The following TMEM74 variants were observed in gnomAD, a reference collection of about 807,000 sequenced individuals.
TMEM74 encodes the protein transmembrane protein 74.
TMEM74 carries 13 observed loss-of-function variants against 18.1 expected under a neutral mutation model. The ratio of observed to expected loss-of-function variants is 0.72; its 90% CI spans 0.47 to 1.14. The LOEUF (loss-of-function observed/expected upper bound fraction) is 1.14, where lower values mean the gene tolerates loss of function less well. Ranked by LOEUF, TMEM74 falls within the 50% of genes most tolerant of loss-of-function variation. The probability of loss-of-function intolerance (pLI) is 0.00; values close to 1 mark genes in which losing one functional copy is unlikely to be tolerated. For missense variants in TMEM74, 372 were observed against 375.9 expected (o/e 0.99, Z 0.09); for synonymous variants, 159 against 146.6 (o/e 1.08, Z -0.61).
intron 2 of TMEM74, among the ~76,000 whole-genome samples, chr8:108,643,600 G>A (rs1448889824): frequency 5.3e-5 from 8 of 152,050 alleles, no homozygotes; most frequent in Admixed American, 5.2e-4. Context: ...ATGAGGCCAG[G>A]TGCAGTGACT....
chr8:108,773,705 A>G (rs1814197992), intron 1 of TMEM74, among the ~76,000 whole-genome samples: 1 of 152,156 alleles, frequency 6.6e-6, no homozygotes, highest in Admixed American at 6.5e-5. Flanking sequence ...AAGAAGCTCT[A>G]TGGAGAGGTC....
intron 1 of TMEM74, among the ~76,000 whole-genome samples, chr8:108,699,592 A>C (rs1205250362): frequency 6.6e-6 from 1 of 152,162 alleles, no homozygotes; most frequent in Non-Finnish European, 1.5e-5. Context: ...AAGGTAATGA[A>C]ACACTGGGCC....
At chr8:108,776,262 G>A (rs1193690313), downstream of TMEM74, among the ~76,000 whole-genome samples, 2 of 152,248 alleles carry the variant, frequency 1.3e-5, no homozygotes, top group Admixed American at 6.5e-5. Context: ...GGCAGCCGAG[G>A]CAGGCAGATC....
chr8:108,709,734 A>T (rs1813456638), intron 1 of TMEM74, among the ~76,000 whole-genome samples: 1 of 152,190 alleles, frequency 6.6e-6, no homozygotes, highest in South Asian at 2.1e-4. Flanking sequence ...CAAAACAAAA[A>T]AACAAAGGGA....
At chr8:108,672,278 T>C (rs917251520) in intron 1 of TMEM74, among the ~76,000 whole-genome samples, 3 of 152,112 alleles carry the variant, frequency 2.0e-5, no homozygotes, top group Non-Finnish European at 2.9e-5. Flanking sequence ...TTCCTAACAG[T>C]AGGGGATGGC....
At chr8:108,623,330 C>A (rs1339320433) in intron 2 of TMEM74, among the ~76,000 whole-genome samples, 1 of 152,002 alleles carries the variant, frequency 6.6e-6, no homozygotes, top group African/African-American at 2.4e-5. Context: ...ACAAACAAAC[C>A]CTTTTCCAAG....
chr8:108,654,336 A>G (rs1157837135), intron 2 of TMEM74, among the ~76,000 whole-genome samples: 1 of 152,184 alleles, frequency 6.6e-6, no homozygotes, highest in African/African-American at 2.4e-5. Context: ...TCCTATTTGT[A>G]AAATGCAAAA....
At chr8:108,700,524 A>T (rs1237799055) in intron 1 of TMEM74, among the ~76,000 whole-genome samples, 1 of 152,160 alleles carries the variant, frequency 6.6e-6, no homozygotes, top group African/African-American at 2.4e-5. Context: ...TAATGGTGAT[A>T]TATTAAAGGT....
intron 1 of TMEM74, among the ~76,000 whole-genome samples, chr8:108,671,501 T>C (rs1813004760): frequency 6.6e-6 from 1 of 152,144 alleles, no homozygotes; most frequent in African/African-American, 2.4e-5. Context: ...TCATGCAATA[T>C]TGATGTGTTA....
intron 1 of TMEM74, among the ~76,000 whole-genome samples, chr8:108,679,468 T>C (rs1813090421): frequency 6.6e-6 from 1 of 152,230 alleles, no homozygotes; most frequent in African/African-American, 2.4e-5. Context: ...TATCTCATTA[T>C]GGTTTTGATT....
At chr8:108,668,539 A>T (rs1497630) in intron 1 of TMEM74, among the ~76,000 whole-genome samples, 1 of 151,848 alleles carries the variant, frequency 6.6e-6, no homozygotes, top group African/African-American at 2.4e-5. Context: ...TGGCCCTGTG[A>T]GATAAGCCTG....
rs570655889 is a variant in TMEM74, at chr8:108,782,637, A to C, written c.*1544T>G. On this transcript the variant is annotated 3_prime_UTR_variant, in exon 2 of 2. Coordinates refer to ENST00000297459, the MANE Select transcript of TMEM74 (RefSeq NM_153015.3). Reference sequence around the variant, plus strand: ...CCCATGTATTCCACAGTTGTCCACAACACCACAAACTTCAGACATTTGAAA... The same window carrying C: ...CCCATGTATTCCACAGTTGTCCACACCACCACAAACTTCAGACATTTGAAA... 5.9e-5 allele frequency among the ~76,000 whole-genome samples: 9 copies of C among 152,182 alleles called. No homozygotes were observed. Among genetic ancestry groups the C allele is most frequent in the African/African-American group, 1.9e-4 (8 of 41,438 alleles).
chr8:108,657,108 C>A (rs1173843105), intron 1 of TMEM74, among the ~76,000 whole-genome samples: 2 of 152,080 alleles, frequency 1.3e-5, no homozygotes, highest in African/African-American at 4.8e-5. Flanking sequence ...TTCCAATCAG[C>A]ATCCCTAATT....
At chr8:108,630,197 G>C (rs1393065802) in intron 2 of TMEM74, among the ~76,000 whole-genome samples, 1 of 151,882 alleles carries the variant, frequency 6.6e-6, no homozygotes, top group Non-Finnish European at 1.5e-5. Flanking sequence ...TAGTCTCTGA[G>C]ATAACAGACT....
At chr8:108,694,153 G>C (rs533277912) in intron 1 of TMEM74, among the ~76,000 whole-genome samples, 5 of 152,174 alleles carry the variant, frequency 3.3e-5, no homozygotes, top group Admixed American at 3.3e-4. Context: ...AGTGAAACTC[G>C]TGTCATGTGA....
At chr8:108,767,734 G>A (rs1377195446) in intron 1 of TMEM74, among the ~76,000 whole-genome samples, 1 of 151,940 alleles carries the variant, frequency 6.6e-6, no homozygotes, top group African/African-American at 2.4e-5. Context: ...TAATTTCAGG[G>A]ATCTAGTTAC....
intron 1 of TMEM74, among the ~76,000 whole-genome samples, chr8:108,708,266 T>C (rs1813436798): frequency 6.6e-6 from 1 of 152,030 alleles, no homozygotes; most frequent in Non-Finnish European, 1.5e-5. Flanking sequence ...TTTTTTTTTT[T>C]TTAATCCAGT....
At position 108,756,615 on chromosome 8, in the gene TMEM74, G is replaced by A. The variant is rs1451023215; in HGVS notation, n.119+30861C>T. Among the ~76,000 whole-genome samples the A allele has an allele frequency of 1.5e-3, 117 of 75,672 alleles. 1 individual carries two copies. The highest frequency in any genetic ancestry group is 6.8e-3 in the African/African-American group (110 of 16,216). The allele number at this position is 75,672 out of a possible 152,430, so 49.6% of individuals were successfully genotyped here. A position where few individuals can be genotyped will look rare whatever the true frequency, so the allele number is the denominator to read the frequency against. ...AAGAAAGAGAAAGGAAGGAAGGAAG[G>A]AAGGAAGGAAGGAAGGAAGGAAGGA... On this transcript the variant is annotated intron_variant and non_coding_transcript_variant, in intron 1 of 3. Coordinates refer to the TMEM74 transcript ENST00000518838.
intron 1 of TMEM74, among the ~76,000 whole-genome samples, chr8:108,749,456 G>A (rs375382552): frequency 1.3e-5 from 2 of 152,228 alleles, no homozygotes; most frequent in South Asian, 4.1e-4. Context: ...TGCCTTGACT[G>A]TTGTTGGTGT....
Sources: gnomAD v4.1 joint callset for allele counts (sites outside exome capture counted in the v4.1 genomes callset) on GRCh38, gnomAD v4.1.1 for gene constraint, MANE v1.5 for transcripts, NCBI Gene and HGNC (gene_info 2026-07-23, HGNC 2026-07-21) for gene names.